The following KCTD14 variants were observed in gnomAD, a reference collection of about 807,000 sequenced individuals.
KCTD14 encodes the protein potassium channel tetramerization domain containing 14, also known as BTB/POZ domain-containing protein KCTD14.
A neutral mutation model predicts 5.9 loss-of-function variants in KCTD14; 7 were observed. The observed-to-expected ratio is 1.19, with a 90% confidence interval of 0.68 to 2.23. The LOEUF (loss-of-function observed/expected upper bound fraction) is 2.23. KCTD14 is among the 30% of genes most tolerant of loss of function. The pLI, the probability that KCTD14 is intolerant of heterozygous loss-of-function variation, is 0.00. For synonymous variants in KCTD14, 140 were observed against 133.1 expected, an observed-to-expected ratio of 1.05 and a Z score of -0.36; for missense variants, 342 against 332.2, an observed-to-expected ratio of 1.03 and a Z score of -0.23.
At chr11:78,039,745 C>CAA (rs35580468) in intron 1 of KCTD14, among the ~76,000 whole-genome samples, 1 of 138,736 alleles carries the variant, frequency 7.2e-6, no homozygotes. Flanking sequence ...GACCCTGTCT[C>CAA]AAAAAAAAAA....
intron 1 of KCTD14, among the ~76,000 whole-genome samples, chr11:78,022,618 T>C (rs2059336500): frequency 6.6e-6 from 1 of 151,824 alleles, no homozygotes; most frequent in South Asian, 2.1e-4. Context: ...CTTTTCCCCA[T>C]CCTCCTCCCC....
At chr11:78,028,503 T>C (rs564223076) in intron 2 of KCTD14, among the ~76,000 whole-genome samples, 1 of 150,804 alleles carries the variant, frequency 6.6e-6, no homozygotes, top group East Asian at 2.0e-4. Context: ...CTCGGGAGGC[T>C]GAAGCAGGAG....
chr11:78,038,776 T>C, intron 1 of KCTD14: 1 of 1,535,572 alleles, frequency 6.5e-7, no homozygotes, highest in Non-Finnish European at 8.7e-7. Context: ...AGAAAGAGAA[T>C]TTCTTAGAAG....
chr11:78,030,471 T>A (rs1223207027), intron 2 of KCTD14, among the ~76,000 whole-genome samples: 1 of 152,194 alleles, frequency 6.6e-6, no homozygotes, highest in East Asian at 1.9e-4. Context: ...GGGGTTTGTG[T>A]ATTTTCTGAG....
upstream of KCTD14, among the ~76,000 whole-genome samples, chr11:78,025,408 G>A (rs928758615): frequency 2.6e-5 from 4 of 151,976 alleles, no homozygotes; most frequent in African/African-American, 9.7e-5. Flanking sequence ...TGCCCACCCA[G>A]ATTAAGGGTG....
upstream of KCTD14, among the ~76,000 whole-genome samples, chr11:78,026,801 G>A (rs1385311768): frequency 1.3e-5 from 2 of 152,066 alleles, no homozygotes; most frequent in Non-Finnish European, 2.9e-5. Context: ...ACTAGAGATT[G>A]TAAATAAATA....
At chr11:78,046,189 A>T in exon 1 of KCTD14, 1 of 927,584 alleles carries the variant, frequency 1.1e-6, no homozygotes, top group Non-Finnish European at 1.3e-6. Flanking sequence ...AGATCGGCTC[A>T]GTGCTTTTCC....
upstream of KCTD14, chr11:78,023,369 A>G (rs905711307): frequency 5.5e-6 from 5 of 908,582 alleles, no homozygotes; most frequent in Non-Finnish European, 8.5e-6. Context: ...GGCCAAGTGC[A>G]GAAAGAAATG....
At chr11:78,034,727 A>G (rs1234389660) in intron 2 of KCTD14, among the ~76,000 whole-genome samples, 2 of 151,992 alleles carry the variant, frequency 1.3e-5, no homozygotes, top group Admixed American at 6.6e-5. Context: ...GTCATCCCCA[A>G]ACAGACTATA....
intron 2 of KCTD14, among the ~76,000 whole-genome samples, chr11:78,030,153 T>C (rs1857575214): frequency 6.6e-6 from 1 of 152,146 alleles, no homozygotes; most frequent in African/African-American, 2.4e-5. Flanking sequence ...ATATAAAACC[T>C]GCTTGCTTCT....
At chr11:78,025,118 G>GTGTGTATATATATATATATATA (rs1230114793), upstream of KCTD14, among the ~76,000 whole-genome samples, 1 of 44,472 alleles carries the variant, frequency 2.2e-5, no homozygotes, top group Non-Finnish European at 4.5e-5. Context: ...GTGTGTGTGT[G>GTGTGTATATATATATATATATA]TATATATATA....
upstream of KCTD14, among the ~76,000 whole-genome samples, chr11:78,025,376 A>G (rs1857439053): frequency 6.6e-6 from 1 of 151,952 alleles, no homozygotes; most frequent in Non-Finnish European, 1.5e-5. Flanking sequence ...TGTTCTAGCC[A>G]TGCTGGCAGC....
intron 2 of KCTD14, among the ~76,000 whole-genome samples, chr11:78,030,383 C>T (rs148214318): frequency 6.6e-6 from 1 of 152,332 alleles, no homozygotes; most frequent in African/African-American, 2.4e-5. Flanking sequence ...AGTTTCGGCT[C>T]TGCCACCAGT....
chr11:78,031,231 A>G (rs530279121), intron 2 of KCTD14, among the ~76,000 whole-genome samples: 4 of 151,568 alleles, frequency 2.6e-5, no homozygotes, highest in Non-Finnish European at 5.9e-5. Context: ...ACTTTTTTGT[A>G]GAGATGGTGT....
chr11:78,040,306 C>T (rs904921824), intron 1 of KCTD14, among the ~76,000 whole-genome samples: 1 of 152,148 alleles, frequency 6.6e-6, no homozygotes, highest in Non-Finnish European at 1.5e-5. Context: ...TTTTTCCTTT[C>T]TCCTGTCTTC....
upstream of KCTD14, among the ~76,000 whole-genome samples, chr11:78,024,006 C>G (rs1404843340): frequency 4.6e-5 from 7 of 152,212 alleles, no homozygotes; most frequent in East Asian, 9.6e-4. Context: ...ATTCTTGAAT[C>G]GGGGAACACC....
In KCTD14 at chr11:78,017,065, G is replaced by T; in HGVS notation, c.296C>A (p.Pro99His). ...ILDYLRTGQV[P>H]TQHIPEVYRE... Reference sequence around the variant, plus strand: ...GTACACTTCAGGGATGTGCTGTGTGGGCACTTGCCCAGTGCGCAGGTAGTC... The same window carrying T: ...GTACACTTCAGGGATGTGCTGTGTGTGCACTTGCCCAGTGCGCAGGTAGTC... Residue 99 changes from proline (P) to histidine (H), a missense_variant, in exon 2 of 2, where the codon CCC becomes CAC. By Grantham distance (77) the Pro-to-His change is moderately conservative. Transcript: ENST00000353172. 3 of 1,614,230 alleles carry T rather than the reference G, an allele frequency of 1.9e-6. No homozygotes were observed. In the South Asian group the frequency reaches 3.3e-5, roughly 18 times the overall value.
rs752279642 is a variant in KCTD14, at chr11:78,016,933, G to A, written c.428C>T (p.Pro143Leu). ...VSRKQFLLQV[P>L]GYSENLELMV... ...GAGCTCCAGGTTCTCGCTGTAGCCCGGCACTTGCAGCAAAAACTGCTTCCG... is the reference window on the plus strand; with the variant it reads ...GAGCTCCAGGTTCTCGCTGTAGCCCAGCACTTGCAGCAAAAACTGCTTCCG... Residue 143 changes from proline (P) to leucine (L), a missense_variant, in exon 2 of 2, where the codon CCG becomes CTG. Transcript: ENST00000353172. The A allele has an allele frequency of 1.7e-5, 27 of 1,614,198 alleles. No homozygotes were observed. The highest frequency in any genetic ancestry group is 2.2e-5 in the East Asian group (1 of 44,882).
chr11:78,030,287 C>T (rs1591186172), intron 2 of KCTD14, among the ~76,000 whole-genome samples: 1 of 152,278 alleles, frequency 6.6e-6, no homozygotes, highest in East Asian at 1.9e-4. Context: ...TTAGCACCTC[C>T]ATTTTCTATA....
Sources: gnomAD v4.1 joint callset for allele counts (sites outside exome capture counted in the v4.1 genomes callset) on GRCh38, gnomAD v4.1.1 for gene constraint, MANE v1.5 for transcripts, NCBI Gene and HGNC (gene_info 2026-07-23, HGNC 2026-07-21) for gene names.